The following RAD51B variants were observed in gnomAD, a reference collection of about 807,000 sequenced individuals.
The protein encoded by RAD51B is DNA repair protein RAD51 homolog 2.
A neutral mutation model predicts 42.2 loss-of-function variants in RAD51B; 38 were observed. That is an observed-to-expected ratio of 0.90 (90% CI 0.70 to 1.18). RAD51B has a LOEUF of 1.18. Among genes scored for constraint, RAD51B ranks in the 50% most tolerant of loss-of-function variants. RAD51B has a pLI of 0.00. For missense variants in RAD51B, 373 were observed against 400.7 expected, an observed-to-expected ratio of 0.93 and a Z score of 0.59; for synonymous variants, 154 against 145.2, an observed-to-expected ratio of 1.06 and a Z score of -0.43.
intron 7 of RAD51B, among the ~76,000 whole-genome samples, chr14:67,974,823 C>A (rs2074960937): frequency 6.6e-6 from 1 of 152,046 alleles, no homozygotes; most frequent in Non-Finnish European, 1.5e-5. Flanking sequence ...TCTTGTATAT[C>A]TCTTATAATT....
intron 7 of RAD51B, among the ~76,000 whole-genome samples, chr14:68,134,048 A>G (rs2140691275): frequency 6.6e-6 from 1 of 152,262 alleles, no homozygotes; most frequent in African/African-American, 2.4e-5. Context: ...ACTAGCATCC[A>G]TCAAAATGCC....
At chr14:68,395,359 G>A (rs1430545331) in intron 8 of RAD51B, among the ~76,000 whole-genome samples, 1 of 152,118 alleles carries the variant, frequency 6.6e-6, no homozygotes, top group Non-Finnish European at 1.5e-5. Context: ...TTTAAAGTTT[G>A]TGATTGTCTT....
At chr14:68,573,160 A>G (rs1171090538) in intron 10 of RAD51B, among the ~76,000 whole-genome samples, 1 of 152,124 alleles carries the variant, frequency 6.6e-6, no homozygotes, top group Non-Finnish European at 1.5e-5. Flanking sequence ...CACTGCTCAG[A>G]GCCTTCCAGC....
intron 7 of RAD51B, among the ~76,000 whole-genome samples, chr14:68,274,706 C>T (rs1194114188): frequency 6.6e-6 from 1 of 152,130 alleles, no homozygotes; most frequent in Non-Finnish European, 1.5e-5. Flanking sequence ...TACTTCCTTA[C>T]TCTCCTTTTA....
intron 8 of RAD51B, among the ~76,000 whole-genome samples, chr14:68,370,217 A>G (rs1292756254): frequency 6.6e-6 from 1 of 152,226 alleles, no homozygotes; most frequent in Non-Finnish European, 1.5e-5. Flanking sequence ...GCCTGTTACA[A>G]GATCTGTCTG....
intron 7 of RAD51B, among the ~76,000 whole-genome samples, chr14:67,965,865 G>T (rs547954221): frequency 4.6e-5 from 7 of 152,092 alleles, no homozygotes; most frequent in Non-Finnish European, 8.8e-5. Context: ...TAAACCACGT[G>T]CATAGACCAA....
chr14:68,038,944 G>A (rs1368638926), intron 7 of RAD51B, among the ~76,000 whole-genome samples: 2 of 151,998 alleles, frequency 1.3e-5, no homozygotes, highest in Non-Finnish European at 2.9e-5. Context: ...ATATAATGGT[G>A]TATACTATTG....
intron 10 of RAD51B, among the ~76,000 whole-genome samples, chr14:68,486,877 T>C (rs1883662991): frequency 6.6e-6 from 1 of 152,186 alleles, no homozygotes; most frequent in South Asian, 2.1e-4. Context: ...AATTCTTTAG[T>C]GGCATCTCCT....
At chr14:67,851,928 G>T (rs1457618933) in intron 4 of RAD51B, among the ~76,000 whole-genome samples, 1 of 152,114 alleles carries the variant, frequency 6.6e-6, no homozygotes, top group Non-Finnish European at 1.5e-5. Context: ...GCAGGGGCTG[G>T]GCCTCTGAGA....
intron 7 of RAD51B, among the ~76,000 whole-genome samples, chr14:67,995,847 G>C (rs929067878): frequency 6.6e-6 from 1 of 152,096 alleles, no homozygotes; most frequent in African/African-American, 2.4e-5. Context: ...TCGATCTCCT[G>C]ACCTCGTGAT....
intron 10 of RAD51B, among the ~76,000 whole-genome samples, chr14:68,529,386 C>T (rs1474450048): frequency 6.6e-6 from 1 of 152,176 alleles, no homozygotes; most frequent in Non-Finnish European, 1.5e-5. Context: ...TTGGTACAGA[C>T]AGGGTTTCGC....
intron 8 of RAD51B, among the ~76,000 whole-genome samples, chr14:68,342,210 C>T (rs1321692753): frequency 6.6e-6 from 1 of 152,184 alleles, no homozygotes; most frequent in Non-Finnish European, 1.5e-5. Flanking sequence ...CTAGTCCAAT[C>T]CTTGGAACAC....
chr14:68,400,035 G>A (rs928178368), intron 8 of RAD51B, among the ~76,000 whole-genome samples: 2 of 152,102 alleles, frequency 1.3e-5, no homozygotes, highest in Non-Finnish European at 2.9e-5. Context: ...TGCTTGCAAA[G>A]AGCCAGTGAT....
intron 7 of RAD51B, among the ~76,000 whole-genome samples, chr14:68,279,012 G>A (rs1182400830): frequency 2.0e-5 from 3 of 151,646 alleles, no homozygotes; most frequent in African/African-American, 7.3e-5. Flanking sequence ...CTGCTTCTCA[G>A]TACATTCCAC....
intron 7 of RAD51B, among the ~76,000 whole-genome samples, chr14:67,984,086 G>A (rs762759978): frequency 1.3e-5 from 2 of 151,898 alleles, no homozygotes; most frequent in Non-Finnish European, 2.9e-5. Flanking sequence ...CAACAGGGGC[G>A]TGCCACCACA....
intron 10 of RAD51B, among the ~76,000 whole-genome samples, chr14:68,507,488 G>A (rs950846611): frequency 6.6e-6 from 1 of 152,140 alleles, no homozygotes; most frequent in Non-Finnish European, 1.5e-5. Flanking sequence ...TCCTAGGACT[G>A]GCATTCCATA....
chr14:68,235,427 G>A (rs537164052), intron 7 of RAD51B, among the ~76,000 whole-genome samples: 5 of 151,880 alleles, frequency 3.3e-5, no homozygotes, highest in East Asian at 3.9e-4. Context: ...ATCTTCGGCC[G>A]GGCGCGGTGG....
chr14:67,953,906 G>A (rs2074500536), intron 7 of RAD51B, among the ~76,000 whole-genome samples: 1 of 152,070 alleles, frequency 6.6e-6, no homozygotes, highest in Non-Finnish European at 1.5e-5. Context: ...AGAAGAGAAA[G>A]GGACAGGAAG....
At chr14:68,040,856 C>T (rs1273312216) in intron 7 of RAD51B, among the ~76,000 whole-genome samples, 2 of 152,172 alleles carry the variant, frequency 1.3e-5, no homozygotes, top group African/African-American at 4.8e-5. Flanking sequence ...GAACAAGATC[C>T]TCCAGGTGAT....
Sources: allele counts gnomAD v4.1 joint callset (sites outside exome capture counted in the v4.1 genomes callset), GRCh38; gene constraint gnomAD v4.1.1; transcripts MANE v1.5; gene names NCBI Gene and HGNC (gene_info 2026-07-23, HGNC 2026-07-21).